The following KIAA0825 variants were observed in gnomAD, a reference collection of about 807,000 sequenced individuals.
The protein encoded by KIAA0825 is uncharacterized protein KIAA0825.
A neutral mutation model predicts 147.6 loss-of-function variants in KIAA0825; 119 were observed. The observed-to-expected ratio is 0.81, with a 90% confidence interval of 0.69 to 0.94. The LOEUF (loss-of-function observed/expected upper bound fraction) is 0.94. Among genes scored for constraint, KIAA0825 ranks in the 40% least tolerant of loss-of-function variants. The pLI, the probability that KIAA0825 is intolerant of heterozygous loss-of-function variation, is 0.00. For synonymous variants in KIAA0825, 470 were observed against 518.1 expected (o/e 0.91, Z 1.26); for missense variants, 1,381 against 1,472.7 (o/e 0.94, Z 1.02).
In KIAA0825 at chr5:94,226,013, G is replaced by C. The variant is rs560570850; in HGVS notation, c.3711-71889C>G. On this transcript the variant is annotated intron_variant, in intron 20 of 20. Transcript: ENST00000682413. Reference sequence around the variant, plus strand: ...GCAACAAAAGCCAAAACTGACAAATGGGATCTAATTAAACTAAAGAGCTTC... The same window carrying C: ...GCAACAAAAGCCAAAACTGACAAATCGGATCTAATTAAACTAAAGAGCTTC... Among the ~76,000 whole-genome samples the C allele has an allele frequency of 5.4e-3, 829 of 152,252 alleles. 11 individuals carry two copies. The highest frequency in any genetic ancestry group is 0.019 in the African/African-American group (795 of 41,554).
At chr5:94,171,387 G>A (rs559522484) in intron 20 of KIAA0825, among the ~76,000 whole-genome samples, 4 of 152,160 alleles carry the variant, frequency 2.6e-5, no homozygotes, top group South Asian at 2.1e-4. Context: ...TCCCAGTCTC[G>A]GGTATGTCTT....
intron 18 of KIAA0825, among the ~76,000 whole-genome samples, chr5:94,388,783 C>G (rs1749521094): frequency 6.6e-6 from 1 of 152,328 alleles, no homozygotes; most frequent in South Asian, 2.1e-4. Context: ...TTGCTTTAAT[C>G]AGATTTACCA....
chr5:94,487,113 T>C (rs1338726756), intron 5 of KIAA0825, among the ~76,000 whole-genome samples: 3 of 152,328 alleles, frequency 2.0e-5, no homozygotes, highest in South Asian at 2.1e-4. Context: ...CTGAGGATTC[T>C]AGATGAAAAG....
intron 1 of KIAA0825, among the ~76,000 whole-genome samples, chr5:94,603,095 G>C (rs916294074): frequency 3.3e-5 from 5 of 152,056 alleles, no homozygotes; most frequent in Admixed American, 2.6e-4. Flanking sequence ...CCAAAGTGCT[G>C]GGATTACAGG....
intron 2 of KIAA0825, among the ~76,000 whole-genome samples, chr5:94,552,337 G>A (rs927912710): frequency 2.6e-5 from 4 of 152,070 alleles, no homozygotes; most frequent in South Asian, 2.1e-4. Context: ...TCAACATCTC[G>A]TTCTCAGCAC....
intron 11 of KIAA0825, among the ~76,000 whole-genome samples, chr5:94,464,009 C>T (rs564361535): frequency 1.3e-5 from 2 of 149,864 alleles, no homozygotes; most frequent in South Asian, 2.1e-4. Context: ...ACCTAAATGC[C>T]CTTCAAATTA....
Position 94,242,469 on chromosome 5 carries a change from C to T in KIAA0825, c.3711-88345G>A, listed in dbSNP as rs142536010. ...TTCTAACACTCTTCCCACCCCAGAC[C>T]TCAGCCCTCATTCTGAAATGCCTTC... On this transcript the variant is annotated intron_variant, in intron 20 of 20. Coordinates refer to ENST00000682413, the MANE Select transcript of KIAA0825 (RefSeq NM_001145678.3). Among the ~76,000 whole-genome samples the T allele has an allele frequency of 2.5e-3, 384 of 152,256 alleles. 3 individuals are homozygous for T. The highest frequency in any genetic ancestry group is 2.4e-3 in the Non-Finnish European group (166 of 68,006).
intron 20 of KIAA0825, among the ~76,000 whole-genome samples, chr5:94,229,503 T>TA (rs1491510687): frequency 2.3e-5 from 2 of 86,738 alleles, no homozygotes; most frequent in Non-Finnish European, 5.1e-5. Context: ...CCATATTGAA[T>TA]TTTTTTTTTT....
At chr5:94,253,181 T>A (rs2150123882) in intron 20 of KIAA0825, among the ~76,000 whole-genome samples, 1 of 152,298 alleles carries the variant, frequency 6.6e-6, no homozygotes, top group South Asian at 2.1e-4. Context: ...TATTCATTAT[T>A]GTACAACTCT....
intron 20 of KIAA0825, among the ~76,000 whole-genome samples, chr5:94,327,599 T>C (rs2150273412): frequency 6.6e-6 from 1 of 152,302 alleles, no homozygotes; most frequent in African/African-American, 2.4e-5. Context: ...TAAAATCAAA[T>C]TCAAATGTAC....
chr5:94,471,610 G>T lies in KIAA0825; in HGVS notation c.1577C>A (p.Ala526Asp). 6.4e-7 allele frequency: 1 copy of T among 1,551,980 alleles called. No homozygotes were observed. The highest frequency in any genetic ancestry group is 8.7e-7 in the Non-Finnish European group (1 of 1,147,048). Residue 526 changes from alanine (A) to aspartate (D), a missense_variant, in exon 9 of 21, where the codon GCT becomes GAT. Coordinates refer to ENST00000682413, the MANE Select transcript of KIAA0825 (RefSeq NM_001145678.3). ...TCTCTCTTGCAGTCTCTGCAGGACAGCTGTTGCCACTTTACAACAGGCCTC... is the reference window on the plus strand; with the variant it reads ...TCTCTCTTGCAGTCTCTGCAGGACATCTGTTGCCACTTTACAACAGGCCTC... Reference protein sequence around the residue: ...LVEACCKVATAVLQRLQERAK... With the variant: ...LVEACCKVATDVLQRLQERAK...
At chr5:94,370,157 CAAAAAAAAT>C (rs1311901673) in intron 20 of KIAA0825, among the ~76,000 whole-genome samples, 1 of 149,826 alleles carries the variant, frequency 6.7e-6, no homozygotes, top group Non-Finnish European at 1.5e-5. Context: ...TACTATTATA[CAAAAAAAAT>C]AAAAAAAAAA....
intron 20 of KIAA0825, among the ~76,000 whole-genome samples, chr5:94,364,013 C>T (rs557046228): frequency 1.3e-5 from 2 of 151,936 alleles, no homozygotes; most frequent in South Asian, 4.2e-4. Context: ...AGAACAGACC[C>T]ATGCTTTCAC....
chr5:94,307,617 C>T (rs1381246023), intron 20 of KIAA0825, among the ~76,000 whole-genome samples: 1 of 151,550 alleles, frequency 6.6e-6, no homozygotes, highest in African/African-American at 2.4e-5. Flanking sequence ...ATCTTTTGCT[C>T]TACACTAACA....
At chr5:94,492,648 G>C (rs1763870537) in intron 5 of KIAA0825, among the ~76,000 whole-genome samples, 1 of 152,200 alleles carries the variant, frequency 6.6e-6, no homozygotes, top group Non-Finnish European at 1.5e-5. Context: ...TCACTAGTGA[G>C]TGTGAGAGAC....
At chr5:94,250,763 A>G (rs1775915652) in intron 20 of KIAA0825, among the ~76,000 whole-genome samples, 2 of 152,156 alleles carry the variant, frequency 1.3e-5, no homozygotes, top group South Asian at 4.1e-4. Flanking sequence ...ATTTATAGCT[A>G]CAATTAGAAA....
chr5:94,333,532 G>A (rs1342422480), intron 20 of KIAA0825, among the ~76,000 whole-genome samples: 1 of 152,144 alleles, frequency 6.6e-6, no homozygotes, highest in African/African-American at 2.4e-5. Context: ...AGATCAGATG[G>A]TTGTAGATGT....
At chr5:94,593,219 A>G in intron 1 of KIAA0825, 1 of 759,374 alleles carries the variant, frequency 1.3e-6, no homozygotes, top group South Asian at 1.3e-5. Context: ...GAAAGGTTTG[A>G]TATTAAACTG....
intron 1 of KIAA0825, among the ~76,000 whole-genome samples, chr5:94,605,258 T>C (rs1430919442): frequency 2.6e-5 from 4 of 152,120 alleles, no homozygotes; most frequent in African/African-American, 9.7e-5. Context: ...AGTTCTGAAA[T>C]TGAAGCAGTA....
Sources: allele counts gnomAD v4.1 joint callset (sites outside exome capture counted in the v4.1 genomes callset), GRCh38; gene constraint gnomAD v4.1.1; transcripts MANE v1.5; gene names NCBI Gene and HGNC (gene_info 2026-07-23, HGNC 2026-07-21).